The following KPNA3 variants were observed in gnomAD, a reference collection of about 807,000 sequenced individuals.
The protein encoded by KPNA3 is importin subunit alpha-4.
A neutral mutation model predicts 73.8 loss-of-function variants in KPNA3; 13 were observed. The ratio of observed to expected loss-of-function variants is 0.18; its 90% CI spans 0.11 to 0.28. KPNA3 has a LOEUF of 0.28. Among genes scored for constraint, KPNA3 ranks in the 10% least tolerant of loss-of-function variants. KPNA3 has a pLI of 1.00. For missense variants in KPNA3, 360 were observed against 618.1 expected (o/e 0.58, Z 4.43); for synonymous variants, 186 against 206.9 (o/e 0.90, Z 0.87).
chr13:49,762,367 C>T (rs566092749), intron 1 of KPNA3, among the ~76,000 whole-genome samples: 6 of 152,294 alleles, frequency 3.9e-5, no homozygotes, highest in Non-Finnish European at 8.8e-5. Flanking sequence ...GGGAAGTGTA[C>T]CCAACAGCTC....
chr13:49,710,027 C>T (rs529444005), intron 11 of KPNA3, among the ~76,000 whole-genome samples: 4 of 152,138 alleles, frequency 2.6e-5, no homozygotes, highest in Non-Finnish European at 4.4e-5. Context: ...TTTGGGAGGC[C>T]GAGGCGGGGG....
At chr13:49,732,308 G>A in intron 6 of KPNA3, 63 bp downstream of exon 6, 2 of 744,082 alleles carry the variant, frequency 2.7e-6, no homozygotes, top group South Asian at 3.8e-5. Context: ...CACTGGTTAA[G>A]TAATAATCCA....
intron 1 of KPNA3, among the ~76,000 whole-genome samples, chr13:49,756,906 T>C (rs1308584455): frequency 1.3e-5 from 2 of 152,190 alleles, no homozygotes; most frequent in Non-Finnish European, 2.9e-5. Context: ...TACACAAATA[T>C]ATCCAACTGA....
intron 10 of KPNA3, among the ~76,000 whole-genome samples, chr13:49,716,729 T>A (rs545192264): frequency 5.3e-5 from 8 of 152,292 alleles, no homozygotes; most frequent in Non-Finnish European, 1.0e-4. Context: ...TGAGCCACCG[T>A]GCCCAGCCAT....
chr13:49,732,589 A>G lies in KPNA3; in HGVS notation c.287+16T>C, dbSNP rs556979486. Reference sequence around the variant, plus strand: ...AGGAATGACATAATTCTCTCTCTAGACAAATTAGTATTTACCTTGCTGCCT... The same window carrying G: ...AGGAATGACATAATTCTCTCTCTAGGCAAATTAGTATTTACCTTGCTGCCT... On this transcript the variant is annotated intron_variant, in intron 5 of 16. Transcript: ENST00000261667. 6.9e-6 allele frequency: 11 copies of G among 1,593,626 alleles called. No homozygotes were observed. Among genetic ancestry groups the G allele is most frequent in the Non-Finnish European group, 9.5e-6 (11 of 1,163,400 alleles).
intron 2 of KPNA3, 115 bp downstream of exon 2, chr13:49,746,834 G>A: frequency 1.4e-6 from 1 of 703,878 alleles, no homozygotes; most frequent in Non-Finnish European, 2.5e-6. Context: ...ATCCAGTGAT[G>A]TGTGGTTTTA....
intron 1 of KPNA3, among the ~76,000 whole-genome samples, chr13:49,788,574 C>T (rs994792810): frequency 6.6e-6 from 1 of 151,968 alleles, no homozygotes; most frequent in African/African-American, 2.4e-5. Flanking sequence ...CAAAAATTAG[C>T]CAGGTGTGGT....
chr13:49,732,310 A>G, intron 6 of KPNA3, 61 bp downstream of exon 6: 1 of 765,860 alleles, frequency 1.3e-6, no homozygotes, highest in Non-Finnish European at 2.2e-6. Flanking sequence ...CTGGTTAAGT[A>G]ATAATCCAAA....
intron 12 of KPNA3, among the ~76,000 whole-genome samples, chr13:49,707,193 T>C (rs1566332175): frequency 6.6e-6 from 1 of 152,182 alleles, no homozygotes; most frequent in Non-Finnish European, 1.5e-5. Flanking sequence ...CTAGCATGGG[T>C]CTATATAACA....
intron 1 of KPNA3, among the ~76,000 whole-genome samples, chr13:49,791,651 C>A (rs1955033762): frequency 6.6e-6 from 1 of 152,214 alleles, no homozygotes; most frequent in Non-Finnish European, 1.5e-5. Context: ...CCTATGCACA[C>A]CCCACTCCAA....
In KPNA3 at chr13:49,733,011, A is replaced by G. The variant is rs143756781; in HGVS notation, c.150T>C (p.Asn50=). ...KRDEHLLKKR[N]VPQEESLEDS... ...CTTCTAGACTTTCTTCTTGGGGAACATTTCTCTTTTTCAATAAGTGTTCAT... is the reference window on the plus strand; with the variant it reads ...CTTCTAGACTTTCTTCTTGGGGAACGTTTCTCTTTTTCAATAAGTGTTCAT... Residue 50 remains asparagine, a synonymous_variant, in exon 3 of 17, where the codon AAT becomes AAC. Transcript: ENST00000261667. 2 of 1,611,712 alleles carry G rather than the reference A, an allele frequency of 1.2e-6. No individual in the cohort carries two copies. The highest frequency in any genetic ancestry group is 1.7e-6 in the Non-Finnish European group (2 of 1,178,380).
intron 1 of KPNA3, among the ~76,000 whole-genome samples, chr13:49,778,749 G>A (rs189921742): frequency 7.9e-5 from 12 of 152,054 alleles, no homozygotes; most frequent in East Asian, 7.7e-4. Context: ...CTGGGACTAC[G>A]GTTGTGAACC....
chr13:49,792,428 G>T lies in KPNA3; in HGVS notation c.69+10C>A. The stretch of plus-strand genomic sequence containing the variant: ...GGCCAGGCGGGCCCAGACCGCGGAA[G>T]CACACTCACTTCCACATCGCGGCCC... On this transcript the variant is annotated intron_variant, in intron 1 of 16. Coordinates refer to ENST00000261667, the MANE Select transcript of KPNA3 (RefSeq NM_002267.4). 6.4e-7 allele frequency: 1 copy of T among 1,560,422 alleles called. No homozygotes were observed. Among genetic ancestry groups the T allele is most frequent in the Non-Finnish European group, 8.7e-7 (1 of 1,155,482 alleles).
chr13:49,725,497 A>G lies in KPNA3; in HGVS notation c.388T>C (p.Ser130Pro). Residue 130 changes from serine (S) to proline (P), a missense_variant, in exon 7 of 17, where the codon TCA becomes CCA. Coordinates refer to ENST00000261667, the MANE Select transcript of KPNA3 (RefSeq NM_002267.4). The stretch of plus-strand genomic sequence containing the variant: ...GCCCAAGCAGCTTCAAACTGTAATG[A>G]AGGACTGTAAAAAAACAATAACACA... ...VKCLERDDNPSLQFEAAWALT... is the reference protein window; with the variant it reads ...VKCLERDDNPPLQFEAAWALT... 6.3e-7 allele frequency: 1 copy of G among 1,591,276 alleles called. No individual in the cohort carries two copies. The highest frequency in any genetic ancestry group is 1.7e-5 in the Admixed American group (1 of 58,080).
Position 49,722,186 on chromosome 13 carries a change from T to C in KPNA3, c.557-62A>G, listed in dbSNP as rs1232505301. The C allele has an allele frequency of 1.6e-5, 18 of 1,131,308 alleles. No individual in the cohort carries two copies. In the Admixed American group the frequency reaches 1.8e-4, roughly 12 times the overall value. 70.1% of individuals were successfully genotyped at this position (1,131,308 alleles called of 1,614,324 possible). On this transcript the variant is annotated intron_variant, in intron 8 of 16. Coordinates refer to ENST00000261667, the MANE Select transcript of KPNA3 (RefSeq NM_002267.4). ...ATTCAGGATGAGAAAGTCTGAAATGTATGCAATGGCTCATGTGGGAACACT... is the reference window on the plus strand; with the variant it reads ...ATTCAGGATGAGAAAGTCTGAAATGCATGCAATGGCTCATGTGGGAACACT...
In KPNA3 at chr13:49,702,355, G is replaced by A. The variant is rs1954156167; in HGVS notation, c.1467+31C>T. The A allele has an allele frequency of 4.5e-6, 5 of 1,098,944 alleles. No homozygotes were observed. The Admixed American group carries it at 8.1e-5, about 18-fold the overall frequency. The allele number at this position is 1,098,944 out of a possible 1,614,324, so 68.1% of individuals were successfully genotyped here. A position where few individuals can be genotyped will look rare whatever the true frequency, so the allele number is the denominator to read the frequency against. ...ATCATGTATAGGTTTTCATTTACAT[G>A]AAGATACACGCTATTTTAATATCTA... On this transcript the variant is annotated intron_variant, in intron 16 of 16. Coordinates refer to ENST00000261667, the MANE Select transcript of KPNA3 (RefSeq NM_002267.4).
At chr13:49,775,283 A>C (rs1194220952) in intron 1 of KPNA3, among the ~76,000 whole-genome samples, 1 of 152,118 alleles carries the variant, frequency 6.6e-6, no homozygotes, top group African/African-American at 2.4e-5. Flanking sequence ...TAGTAAGTTA[A>C]AATAGTGCTT....
At chr13:49,722,830 T>TAAAAAAAA (rs10693298) in intron 7 of KPNA3, among the ~76,000 whole-genome samples, 1 of 79,650 alleles carries the variant, frequency 1.3e-5, no homozygotes, top group African/African-American at 4.9e-5. Flanking sequence ...TATAATCCAT[T>TAAAAAAAA]AAAAAAAAAA....
At chr13:49,711,726 C>T (rs1313486293) in intron 10 of KPNA3, among the ~76,000 whole-genome samples, 1 of 152,108 alleles carries the variant, frequency 6.6e-6, no homozygotes, top group African/African-American at 2.4e-5. Flanking sequence ...GGAATATAAG[C>T]ACTGGTTGTA....
Sources: gnomAD v4.1 joint callset for allele counts (sites outside exome capture counted in the v4.1 genomes callset) on GRCh38, gnomAD v4.1.1 for gene constraint, MANE v1.5 for transcripts, NCBI Gene and HGNC (gene_info 2026-07-23, HGNC 2026-07-21) for gene names.